PCDHGA10: variants seen among roughly 807,000 people sequenced by gnomAD.
PCDHGA10 encodes protocadherin gamma-A10.
PCDHGA10 carries 42 observed loss-of-function variants against 59.5 expected under a neutral mutation model. That is an observed-to-expected ratio of 0.71 (90% confidence interval 0.55 to 0.91). PCDHGA10 has a LOEUF of 0.91. Among genes scored for constraint, PCDHGA10 ranks in the 40% least tolerant of loss-of-function variants. PCDHGA10 has a pLI of 0.00. For synonymous variants in PCDHGA10, 511 were observed against 517.2 expected (o/e 0.99, Z 0.16); for missense variants, 1,111 against 1,198.2 (o/e 0.93, Z 1.07).
chr5:141,439,416 G>T (rs1169961917), intron 1 of PCDHGA10, among the ~76,000 whole-genome samples: 3 of 152,156 alleles, frequency 2.0e-5, no homozygotes, highest in African/African-American at 7.2e-5. Flanking sequence ...CATCACTGAG[G>T]TTATAAATTC....
chr5:141,508,714 G>A (rs775462794), intron 3 of PCDHGA10, among the ~76,000 whole-genome samples: 16 of 151,880 alleles, frequency 1.1e-4, no homozygotes, highest in Admixed American at 2.0e-4. Context: ...ATTCTTTTCT[G>A]TGTGCAGGGA....
rs961341807 is a variant in PCDHGA10 at position 141,486,262 on chromosome 5, A to G, written c.2437-8545A>G. The G allele has an allele frequency of 6.2e-6, 10 of 1,613,912 alleles. No individual in the cohort carries two copies. Among genetic ancestry groups the G allele is most frequent in the Non-Finnish European group, 8.5e-6 (10 of 1,179,986 alleles). On this transcript the variant is annotated intron_variant, in intron 1 of 3. Transcript: ENST00000398610. This position sits in a 1 kb window ranked among gnomAD's most constrained non-coding sequence, Gnocchi z 5.0. ...AGCTTGGAACCCTCCCCGAGAGTGC[A>G]GAACCTGGCACTGTGGTGGCACTTA...
rs1224625072 is a variant in PCDHGA10, at chr5:141,490,972, C to T, written c.2437-3835C>T. ...AGACTGGGAACACTCAGCCCCCCAG[C>T]GTCTCCCTCGCTCTGCTCCTCCTGG... On this transcript the variant is annotated intron_variant, in intron 1 of 3. Transcript: ENST00000398610. This position sits in a 1 kb window ranked among gnomAD's most constrained non-coding sequence, Gnocchi z 5.4. The T allele has an allele frequency of 1.2e-5, 20 of 1,613,912 alleles. No individual in the cohort carries two copies. Among genetic ancestry groups the T allele is most frequent in the East Asian group, 4.5e-5 (2 of 44,882 alleles).
Position 141,490,483 on chromosome 5 carries a change from G to A in PCDHGA10, c.2437-4324G>A. On this transcript the variant is annotated intron_variant, in intron 1 of 3. Transcript: ENST00000398610. The surrounding 1 kb of genome is among the most constrained non-coding windows in gnomAD (Gnocchi z 5.4). ...GCTAACCAGCCAGCCTTTGGACCGG[G>A]AGGCCACATCCCACTATATCATCGA... 2.5e-6 allele frequency: 4 copies of A among 1,614,198 alleles called. No individual in the cohort carries two copies. Among genetic ancestry groups the A allele is most frequent in the Non-Finnish European group, 3.4e-6 (4 of 1,180,046 alleles).
At chr5:141,415,740 G>GTTTTTTT (rs57426385) in intron 1 of PCDHGA10, 129 bp downstream of exon 1, 164 of 624,990 alleles carry the variant, frequency 2.6e-4, no homozygotes, top group African/African-American at 5.0e-4. Flanking sequence ...GTTTATTAAG[G>GTTTTTTT]TTTTTTTTTT....
chr5:141,483,870 G>C (rs548525439), intron 1 of PCDHGA10, among the ~76,000 whole-genome samples: 9 of 152,142 alleles, frequency 5.9e-5, no homozygotes, highest in Non-Finnish European at 1.3e-4. Context: ...TCCAGATCAG[G>C]ATGGATTTTT....
chr5:141,434,440 T>C (rs1283641379), intron 1 of PCDHGA10, among the ~76,000 whole-genome samples: 2 of 152,238 alleles, frequency 1.3e-5, no homozygotes, highest in Non-Finnish European at 2.9e-5. Flanking sequence ...GTAATGCCCA[T>C]GCTGGAAGGT....
Position 141,490,012 on chromosome 5 carries a change from G to A in PCDHGA10, c.2437-4795G>A. 1 of 1,614,232 alleles carries A rather than the reference G, an allele frequency of 6.2e-7. No homozygotes were observed. Among genetic ancestry groups the A allele is most frequent in the Non-Finnish European group, 8.5e-7 (1 of 1,180,044 alleles). ...GGGAATCCCAGAGAATGCACCCATT[G>A]GTACTCTGCTGCTCCGCCTCAATGC... is the stretch of plus-strand genomic sequence containing the variant. On this transcript the variant is annotated intron_variant, in intron 1 of 3. Transcript: ENST00000398610. This position sits in a 1 kb window ranked among gnomAD's most constrained non-coding sequence, Gnocchi z 5.4.
rs2096651086 is a variant in PCDHGA10 at position 141,422,486 on chromosome 5, A to G, written c.2436+6875A>G. Reference sequence around the variant, plus strand: ...GACAGGGAGTTGGTCCAGAGCTACAATATAACGTTGACAGCCACAGACCAG... The same window carrying G: ...GACAGGGAGTTGGTCCAGAGCTACAGTATAACGTTGACAGCCACAGACCAG... On this transcript the variant is annotated intron_variant, in intron 1 of 3. Coordinates refer to ENST00000398610, the MANE Select transcript of PCDHGA10 (RefSeq NM_018913.3). The G allele has an allele frequency of 1.2e-6, 2 of 1,613,852 alleles. No individual in the cohort carries two copies. The highest frequency in any genetic ancestry group is 1.3e-5 in the African/African-American group (1 of 74,924).
intron 1 of PCDHGA10, chr5:141,422,609 A>G: frequency 6.2e-7 from 1 of 1,613,882 alleles, no homozygotes; most frequent in Non-Finnish European, 8.5e-7. Context: ...TACTCTGCCT[A>G]CATTCCCGAA....
At chr5:141,465,266 C>G (rs2099099623) in intron 1 of PCDHGA10, among the ~76,000 whole-genome samples, 1 of 152,096 alleles carries the variant, frequency 6.6e-6, no homozygotes, top group South Asian at 2.1e-4. Flanking sequence ...ATGATACTAG[C>G]CATTTAGTTC....
Position 141,413,195 on chromosome 5 carries a change from G to T in PCDHGA10, c.20G>T (p.Arg7Leu), listed in dbSNP as rs771456948. MAAQRNRSKESKDCSGL... is the reference protein window; with the variant it reads MAAQRNLSKESKDCSGL... ...ACTACAATGGCCGCTCAAAGGAATC[G>T]CTCAAAGGAATCAAAGGATTGCAGC... Residue 7 changes from arginine (R) to leucine (L), a missense_variant, in exon 1 of 4, where the codon CGC (arginine) becomes CTC (leucine). Transcript: ENST00000398610. 1 of 1,610,846 alleles carries T rather than the reference G, an allele frequency of 6.2e-7. No individual in the cohort carries two copies. The highest frequency in any genetic ancestry group is 1.1e-5 in the South Asian group (1 of 90,818).
intron 1 of PCDHGA10, chr5:141,427,017 TAC>T (rs764268354): frequency 2.2e-5 from 10 of 456,792 alleles, no homozygotes; most frequent in South Asian, 1.4e-4. Context: ...CCAGGATGTA[TAC>T]AAAGTCAGCC....
intron 1 of PCDHGA10, among the ~76,000 whole-genome samples, chr5:141,439,623 C>T (rs1219064055): frequency 6.6e-6 from 1 of 152,186 alleles, no homozygotes; most frequent in East Asian, 1.9e-4. Context: ...ATGAGCCAAT[C>T]CCCAGACATT....
intron 1 of PCDHGA10, among the ~76,000 whole-genome samples, chr5:141,469,852 C>T (rs529924249): frequency 1.3e-4 from 20 of 152,054 alleles, no homozygotes; most frequent in African/African-American, 4.8e-4. Flanking sequence ...AGATTCAGAC[C>T]GGGTGCAATG....
rs751047365 is a variant in PCDHGA10 at position 141,419,570 on chromosome 5, G to C, written c.2436+3959G>C. On this transcript the variant is annotated intron_variant, in intron 1 of 3. Transcript: ENST00000398610. ...GCTGTACCCTGCGCTGGGTCCCGAC[G>C]GCTCCGCGCTCTTCGACACAGTGCC... 5.6e-6 allele frequency: 9 copies of C among 1,611,766 alleles called. No individual in the cohort carries two copies. The South Asian group carries it at 8.8e-5, about 16-fold the overall frequency.
At chr5:141,483,660 G>T (rs943362284) in intron 1 of PCDHGA10, among the ~76,000 whole-genome samples, 4 of 152,094 alleles carry the variant, frequency 2.6e-5, no homozygotes, top group Admixed American at 2.0e-4. Flanking sequence ...GTGTGTGTGT[G>T]TGTGTGTGTA....
intron 1 of PCDHGA10, among the ~76,000 whole-genome samples, chr5:141,443,772 C>T (rs1284723564): frequency 6.6e-6 from 1 of 151,568 alleles, no homozygotes; most frequent in Non-Finnish European, 1.5e-5. Context: ...TACAATATTA[C>T]CAAAAAGACA....
At chr5:141,462,539 T>G (rs2099042077) in intron 1 of PCDHGA10, among the ~76,000 whole-genome samples, 1 of 152,184 alleles carries the variant, frequency 6.6e-6, no homozygotes, top group African/African-American at 2.4e-5. Flanking sequence ...TTCAGTGATC[T>G]TTTCTTCTTC....
Sources: gnomAD v4.1 joint callset for allele counts (sites outside exome capture counted in the v4.1 genomes callset) on GRCh38, gnomAD v4.1.1 for gene constraint, Gnocchi (gnomAD v3.1) non-coding constraint, MANE v1.5 for transcripts, NCBI Gene and HGNC (gene_info 2026-07-23, HGNC 2026-07-21) for gene names.